The following ABHD10 variants were observed in gnomAD, a reference collection of about 807,000 sequenced individuals.
ABHD10 encodes abhydrolase domain containing 10, depalmitoylase, also known as palmitoyl-protein thioesterase ABHD10, mitochondrial.
A neutral mutation model predicts 33.1 loss-of-function variants in ABHD10; 22 were observed. That is an observed-to-expected ratio of 0.66 (90% CI 0.47 to 0.95). ABHD10 has a LOEUF of 0.95. Among genes scored for constraint, ABHD10 ranks in the 40% least tolerant of loss-of-function variants. ABHD10 has a pLI of 0.00. For missense variants in ABHD10, 352 were observed against 379.9 expected (o/e 0.93, Z 0.61); for synonymous variants, 146 against 133.9 (o/e 1.09, Z -0.62).
In ABHD10 at chr3:111,979,164, CT is replaced by C. The variant is rs2072543023; in HGVS notation, c.105del (p.Ala36HisfsTer36). 1.2e-6 allele frequency: 2 copies of C among 1,611,708 alleles called. No individual in the cohort carries two copies. Among genetic ancestry groups the C allele is most frequent in the African/African-American group, 2.7e-5 (2 of 74,908 alleles). On this transcript the variant is annotated frameshift_variant, in exon 1 of 5. Transcript: ENST00000273359. LOFTEE classifies it high-confidence loss of function. ...TCCCCACCGTGGCCTCAGCGTGCTG[CT>C]TGCACGGATACCTCAGCGGGCGCCA... ...FGPHRGLSVL[L>X]ARIPQRAPRW...
At chr3:111,987,192 C>T (rs1427531892) in intron 4 of ABHD10, 141 bp downstream of exon 4, 2 of 786,454 alleles carry the variant, frequency 2.5e-6, no homozygotes, top group Non-Finnish European at 4.0e-6. Flanking sequence ...TCTTAGCTGC[C>T]TTTCTGTACA....
Position 111,993,351 on chromosome 3 carries a change from G to T in ABHD10, c.*1630G>T, listed in dbSNP as rs1278580701. The T allele has an allele frequency of 6.6e-6, 1 of 151,872 alleles. No homozygotes were observed. The highest frequency in any genetic ancestry group is 2.4e-5 in the African/African-American group (1 of 41,264). 9.4% of individuals were successfully genotyped at this position (151,872 alleles called of 1,614,324 possible). Reference sequence around the variant, plus strand: ...TATCCTTTCACTGTAATAAATCATGGCCGTGAGCAGAACTGTATGTGGAGT... The same window carrying T: ...TATCCTTTCACTGTAATAAATCATGTCCGTGAGCAGAACTGTATGTGGAGT... On this transcript the variant is annotated 3_prime_UTR_variant, in exon 5 of 5. Transcript: ENST00000273359.
rs573442618 is a variant in ABHD10 at position 111,990,076 on chromosome 3, A to T, written c.577-1301A>T. Among the ~76,000 whole-genome samples the T allele has an allele frequency of 3.3e-5, 5 of 152,108 alleles. No homozygotes were observed. The South Asian group carries it at 1.0e-3, about 32-fold the overall frequency. ...TTTCTAGAAATGCCCTTAATATTAT[A>T]TGATTGTAACAGTCTTGAAACTATT... On this transcript the variant is annotated intron_variant, in intron 4 of 4. Coordinates refer to ENST00000273359, the MANE Select transcript of ABHD10 (RefSeq NM_018394.4).
intron 1 of ABHD10, among the ~76,000 whole-genome samples, chr3:111,979,744 C>T (rs1418732342): frequency 6.6e-6 from 1 of 152,176 alleles, no homozygotes; most frequent in East Asian, 1.9e-4. Flanking sequence ...GGCTAAAAAT[C>T]AGAGAACCTC....
At position 111,992,162 on chromosome 3, in the gene ABHD10, A is replaced by G. The variant is rs2072749240; in HGVS notation, c.*441A>G. 2 of 154,036 alleles carry G rather than the reference A, an allele frequency of 1.3e-5. No homozygotes were observed. The highest frequency in any genetic ancestry group is 6.6e-5 in the Admixed American group (1 of 15,196). The allele number at this position is 154,036 out of a possible 1,614,324, so 9.5% of individuals were successfully genotyped here. A position where few individuals can be genotyped will look rare whatever the true frequency, so the allele number is the denominator to read the frequency against. ...TTTTTATTGAAGTAAATTTGAAATG[A>G]TGGAGAAATTTCAGAAGCATAATAA... On this transcript the variant is annotated 3_prime_UTR_variant, in exon 5 of 5. Transcript: ENST00000273359.
intron 4 of ABHD10, among the ~76,000 whole-genome samples, chr3:111,991,164 A>T (rs552406883): frequency 6.6e-6 from 1 of 152,276 alleles, no homozygotes; most frequent in South Asian, 2.1e-4. Flanking sequence ...GAATAATAAC[A>T]GAATTATTAT....
rs1371936057 is a variant in ABHD10, at chr3:111,979,122, G to A, written c.61G>A (p.Ala21Thr). 6.2e-7 allele frequency: 1 copy of A among 1,613,384 alleles called. No individual in the cohort carries two copies. Among genetic ancestry groups the A allele is most frequent in the East Asian group, 2.2e-5 (1 of 44,858 alleles). The change falls in exon 1 of 5, where the codon GCA (alanine) becomes ACA (threonine). Residue 21 changes from alanine to threonine, a missense_variant. Ala to Thr is a moderately conservative substitution (Grantham distance 58). Transcript: ENST00000273359. ...AWVPCRSWGW[A>T]AVPFGPHRGL... is the part of the protein sequence containing the mutation. ...GGTACCTTGTCGGAGCTGGGGCTGGGCAGCCGTCCCCTTCGGTCCCCACCG... is the reference window on the plus strand; with the variant it reads ...GGTACCTTGTCGGAGCTGGGGCTGGACAGCCGTCCCCTTCGGTCCCCACCG...
intron 4 of ABHD10, among the ~76,000 whole-genome samples, chr3:111,989,361 A>G (rs1333808732): frequency 1.3e-5 from 2 of 152,170 alleles, no homozygotes; most frequent in African/African-American, 4.8e-5. Flanking sequence ...AACTTAATAT[A>G]TTGTACATTT....
In ABHD10 at chr3:111,992,016, T is replaced by C. The variant is rs1256218551; in HGVS notation, c.*295T>C. 1 of 219,526 alleles carries C rather than the reference T, an allele frequency of 4.6e-6. No homozygotes were observed. The highest frequency in any genetic ancestry group is 2.3e-5 in the African/African-American group (1 of 43,752). 13.6% of individuals were successfully genotyped at this position (219,526 alleles called of 1,614,324 possible). ...TGCTTATGTTAGCTATGCCAGCTCT[T>C]AATTGCATCCTTTTCTAATTAGGAT... On this transcript the variant is annotated 3_prime_UTR_variant, in exon 5 of 5. Transcript: ENST00000273359.
chr3:111,990,984 T>G (rs1237741708), intron 4 of ABHD10, among the ~76,000 whole-genome samples: 4 of 152,192 alleles, frequency 2.6e-5, no homozygotes, highest in African/African-American at 9.6e-5. Flanking sequence ...CTCTTCATTT[T>G]TCTTTTCAGT....
At position 111,991,493 on chromosome 3, in the gene ABHD10, A is replaced by G. The variant is rs771867224; in HGVS notation, c.693A>G (p.Leu231=). The part of the protein sequence containing the change: ...FIKEAEHHCL[L]HSPIPVNCPI... ...AAGAAGCTGAACATCACTGCTTGTT[A>G]CATAGCCCAATTCCTGTGAACTGCC... is the stretch of plus-strand genomic sequence containing the variant. The change falls in exon 5 of 5, where the codon TTA becomes TTG. Residue 231 remains leucine, a synonymous_variant. Transcript: ENST00000273359. 1.2e-6 allele frequency: 2 copies of G among 1,614,128 alleles called. No individual in the cohort carries two copies. The highest frequency in any genetic ancestry group is 1.7e-5 in the Admixed American group (1 of 60,010).
At chr3:111,980,763 G>A (rs1267603894) in intron 1 of ABHD10, among the ~76,000 whole-genome samples, 1 of 152,096 alleles carries the variant, frequency 6.6e-6, no homozygotes. Context: ...GATTGCATAG[G>A]TCTATAAGAA....
At chr3:111,983,584 A>C (rs1439265443) in intron 2 of ABHD10, among the ~76,000 whole-genome samples, 2 of 152,148 alleles carry the variant, frequency 1.3e-5, no homozygotes, top group African/African-American at 4.8e-5. Context: ...TATTGATTGC[A>C]CTTTATTATA....
chr3:111,983,310 T>C (rs954385386), intron 2 of ABHD10, among the ~76,000 whole-genome samples: 7 of 152,166 alleles, frequency 4.6e-5, no homozygotes, highest in African/African-American at 1.7e-4. Context: ...TCAAAAATAT[T>C]GTTATCACTT....
intron 4 of ABHD10, among the ~76,000 whole-genome samples, chr3:111,989,109 C>T (rs543673527): frequency 1.3e-5 from 2 of 152,340 alleles, no homozygotes; most frequent in South Asian, 4.1e-4. Context: ...CTCTTCTCCA[C>T]ATAAACAGCT....
In ABHD10 at chr3:111,993,070, C is replaced by T. The variant is rs1576071597; in HGVS notation, c.*1349C>T. On this transcript the variant is annotated 3_prime_UTR_variant, in exon 5 of 5. Transcript: ENST00000273359. ...TAGTTTCTCCTGAACACCTGCTTTCCTTCTGGGAGTCTGGAATTTTGGTAT... is the reference window on the plus strand; with the variant it reads ...TAGTTTCTCCTGAACACCTGCTTTCTTTCTGGGAGTCTGGAATTTTGGTAT... The T allele has an allele frequency of 6.6e-6, 1 of 152,158 alleles. No homozygotes were observed. The highest frequency in any genetic ancestry group is 6.6e-5 in the Admixed American group (1 of 15,266). 9.4% of individuals were successfully genotyped at this position (152,158 alleles called of 1,614,324 possible).
At chr3:111,986,233 T>G (rs2072658502) in intron 2 of ABHD10, 31 bp from the exon 3 acceptor site, 2 of 1,238,458 alleles carry the variant, frequency 1.6e-6, no homozygotes, top group African/African-American at 3.0e-5. Context: ...ATATAGATAT[T>G]TAGATATAGA....
intron 2 of ABHD10, among the ~76,000 whole-genome samples, chr3:111,982,885 TTAAA>T (rs1277000016): frequency 1.3e-5 from 2 of 152,170 alleles, no homozygotes; most frequent in African/African-American, 2.4e-5. Context: ...AATTATAAAA[TTAAA>T]TAAGATTTAA....
rs146070681 is a variant in ABHD10, at chr3:111,986,345, T to C, written c.408T>C (p.Ser136=). The C allele has an allele frequency of 8.1e-4, 1,300 of 1,613,980 alleles. 18 individuals carry two copies. The South Asian group carries it at 0.012, about 15-fold the overall frequency. Residue 136 remains serine, a synonymous_variant, in exon 3 of 5, where the codon TCT becomes TCC. Coordinates refer to ENST00000273359, the MANE Select transcript of ABHD10 (RefSeq NM_018394.4). ...TLGKWRKDVL[S]IIDDLADGPQ... is the part of the protein sequence containing the mutation. ...GGAAATGGAGAAAAGATGTTCTTTC[T>C]ATAATTGATGACTTAGCTGATGGGC...
Sources: allele counts gnomAD v4.1 joint callset (sites outside exome capture counted in the v4.1 genomes callset), GRCh38; gene constraint gnomAD v4.1.1; transcripts MANE v1.5; gene names NCBI Gene and HGNC (gene_info 2026-07-23, HGNC 2026-07-21).